TMEM178B: variants seen among roughly 807,000 people sequenced by gnomAD.
TMEM178B encodes the protein transmembrane protein 178B.
Under a neutral mutation model 31.0 loss-of-function variants are expected in TMEM178B, and 5 were observed. The observed-to-expected ratio is 0.16, with a 90% CI of 0.08 to 0.34. TMEM178B has a LOEUF of 0.34. Ranked by LOEUF, TMEM178B falls within the 10% of genes least tolerant of loss-of-function variation. The pLI is 1.00. For missense variants in TMEM178B, 275 were observed against 400.3 expected (o/e 0.69, Z 2.67); for synonymous variants, 164 against 164.0 (o/e 1.00, Z 0.00).
chr7:141,205,668 G>A (rs575510101), intron 1 of TMEM178B, among the ~76,000 whole-genome samples: 28 of 152,326 alleles, frequency 1.8e-4, no homozygotes, highest in Middle Eastern at 6.8e-3. Context: ...TTTGTTTAGG[G>A]AAGATAATTT....
intron 2 of TMEM178B, among the ~76,000 whole-genome samples, chr7:141,236,557 G>A (rs185820367): frequency 2.6e-4 from 40 of 152,182 alleles, no homozygotes; most frequent in African/African-American, 9.6e-4. Flanking sequence ...AATATTGCAG[G>A]CCATTTGAAA....
intron 2 of TMEM178B, among the ~76,000 whole-genome samples, chr7:141,376,197 G>A (rs1269050836): frequency 6.6e-6 from 1 of 152,184 alleles, no homozygotes; most frequent in Admixed American, 6.5e-5. Flanking sequence ...ATGAGGGAAT[G>A]TTCTACTTTA....
chr7:141,121,556 C>T lies in TMEM178B; in HGVS notation c.382+46864C>T, dbSNP rs183124609. ...CTTAGTTTATTTCTTCTTTTTGTTG[C>T]AGTACATCCTGTAGTAGCCTCTTTA... On this transcript the variant is annotated intron_variant, in intron 1 of 3. Coordinates refer to ENST00000565468, the MANE Select transcript of TMEM178B (RefSeq NM_001195278.2). Among the ~76,000 whole-genome samples the T allele has an allele frequency of 2.7e-3, 407 of 152,216 alleles. 6 individuals are homozygous for T. Among genetic ancestry groups the T allele is most frequent in the African/African-American group, 9.4e-3 (390 of 41,516 alleles).
intron 2 of TMEM178B, among the ~76,000 whole-genome samples, chr7:141,229,356 A>C (rs1346799211): frequency 6.6e-6 from 1 of 152,106 alleles, no homozygotes; most frequent in Non-Finnish European, 1.5e-5. Flanking sequence ...CTCTGGCAGC[A>C]TGCATTTGCC....
At chr7:141,271,702 C>T (rs901683992) in intron 2 of TMEM178B, among the ~76,000 whole-genome samples, 2 of 152,186 alleles carry the variant, frequency 1.3e-5, no homozygotes, top group Admixed American at 6.5e-5. Flanking sequence ...CGCTCTTTCA[C>T]AATCTGGCAA....
intron 1 of TMEM178B, among the ~76,000 whole-genome samples, chr7:141,189,617 TCTGGTATATAAGGTCAGGGCGA>T: frequency 6.6e-6 from 1 of 152,256 alleles, no homozygotes. Flanking sequence ...AGTTACCCAG[TCTGGTATATAAGGTCAGGGCGA>T]CTGGTATACA....
chr7:141,188,762 C>T (rs996920979), intron 1 of TMEM178B, among the ~76,000 whole-genome samples: 31 of 152,216 alleles, frequency 2.0e-4, no homozygotes, highest in African/African-American at 7.0e-4. Context: ...GGTACTCACA[C>T]GAGAGGACAC....
At chr7:141,482,427 A>T (rs557061675), downstream of TMEM178B, among the ~76,000 whole-genome samples, 9 of 152,336 alleles carry the variant, frequency 5.9e-5, no homozygotes, top group Non-Finnish European at 4.4e-5. Flanking sequence ...CCTCGCAGGC[A>T]CTAAGCTGTC....
rs1802410512 is a variant in TMEM178B at position 141,478,276 on chromosome 7, T to C, written c.*7490T>C. On this transcript the variant is annotated 3_prime_UTR_variant, in exon 4 of 4. Coordinates refer to ENST00000565468, the MANE Select transcript of TMEM178B (RefSeq NM_001195278.2). ...CCTCAAAGCAGTAACCCTGAAGTAA[T>C]AGGAAGTAGGAAAGAGGAGCAGGGA... 6.6e-6 allele frequency: 1 copy of C among 152,112 alleles called. No individual in the cohort carries two copies. The highest frequency in any genetic ancestry group is 2.4e-5 in the African/African-American group (1 of 41,334). The allele number at this position is 152,112 out of a possible 1,614,324, so 9.4% of individuals were successfully genotyped here.
At chr7:141,322,101 A>G (rs1799109896) in intron 2 of TMEM178B, among the ~76,000 whole-genome samples, 1 of 152,130 alleles carries the variant, frequency 6.6e-6, no homozygotes, top group Admixed American at 6.5e-5. Flanking sequence ...CTCATTCATC[A>G]TACATCCTTA....
In TMEM178B at chr7:141,256,427, G is replaced by A. The variant is rs550261236; in HGVS notation, c.496+43723G>A. ...GGTGGTGCCAAGAGCAAGTGCCGAG[G>A]CCCTAAGGCAGGAGGTACTTGGAAT... is the stretch of plus-strand genomic sequence containing the variant. On this transcript the variant is annotated intron_variant, in intron 2 of 3. Transcript: ENST00000565468. Among the ~76,000 whole-genome samples the A allele has an allele frequency of 3.7e-4, 56 of 152,322 alleles. No individual in the cohort carries two copies. In the South Asian group the frequency reaches 8.1e-3, roughly 22 times the overall value.
intron 2 of TMEM178B, among the ~76,000 whole-genome samples, chr7:141,378,974 C>T (rs565755989): frequency 1.3e-5 from 2 of 152,248 alleles, no homozygotes; most frequent in African/African-American, 2.4e-5. Flanking sequence ...GTCTGTTTCA[C>T]GGTGCACAAC....
At chr7:141,320,256 A>G (rs1392532641) in intron 2 of TMEM178B, among the ~76,000 whole-genome samples, 1 of 152,146 alleles carries the variant, frequency 6.6e-6, no homozygotes, top group Non-Finnish European at 1.5e-5. Context: ...TAAATTACCC[A>G]GTTTCAAGCA....
At chr7:141,304,807 T>G (rs1798788950) in intron 2 of TMEM178B, among the ~76,000 whole-genome samples, 1 of 152,182 alleles carries the variant, frequency 6.6e-6, no homozygotes, top group East Asian at 1.9e-4. Flanking sequence ...TACCTTCATC[T>G]CTTATTTTCC....
In TMEM178B at chr7:141,117,811, G is replaced by GTT. The variant is rs1795343508; in HGVS notation, c.382+43119_382+43120insTT. On this transcript the variant is annotated intron_variant, in intron 1 of 3. Coordinates refer to ENST00000565468, the MANE Select transcript of TMEM178B (RefSeq NM_001195278.2). The stretch of plus-strand genomic sequence containing the variant: ...TTTTTGTCAGGTTTGTCAAAGATCA[G>GTT]ATGGTTGTAGATGTGTGGCGTTTTT... 2.0e-5 allele frequency among the ~76,000 whole-genome samples: 3 copies of GTT among 152,296 alleles called. No homozygotes were observed. In the South Asian group the frequency reaches 6.2e-4, roughly 32 times the overall value.
At chr7:141,229,689 G>A (rs894912605) in intron 2 of TMEM178B, among the ~76,000 whole-genome samples, 1 of 152,028 alleles carries the variant, frequency 6.6e-6, no homozygotes, top group Admixed American at 6.6e-5. Context: ...TTGGGAGGCC[G>A]AAGTAGAAGG....
intron 2 of TMEM178B, among the ~76,000 whole-genome samples, chr7:141,419,561 T>C (rs1168687485): frequency 6.6e-6 from 1 of 152,214 alleles, no homozygotes; most frequent in Non-Finnish European, 1.5e-5. Context: ...TCTGCAGCCA[T>C]GGTCACCTTT....
intron 1 of TMEM178B, 52 bp from the exon 2 acceptor site, chr7:141,212,539 C>T: frequency 2.1e-6 from 3 of 1,432,610 alleles, no homozygotes; most frequent in Non-Finnish European, 2.8e-6. Context: ...AGAACTAGTC[C>T]AGATGTGGTT....
intron 2 of TMEM178B, among the ~76,000 whole-genome samples, chr7:141,306,856 T>G (rs1281930447): frequency 6.6e-6 from 1 of 152,198 alleles, no homozygotes. Flanking sequence ...CTAGGAAGCC[T>G]TCCTTGACTT....
Sources: allele counts gnomAD v4.1 joint callset (sites outside exome capture counted in the v4.1 genomes callset), GRCh38; gene constraint gnomAD v4.1.1; transcripts MANE v1.5; gene names NCBI Gene and HGNC (gene_info 2026-07-23, HGNC 2026-07-21).